The following ZNF710 variants were observed in gnomAD, a reference collection of about 807,000 sequenced individuals.
ZNF710 encodes zinc finger protein 710.
Under a neutral mutation model 50.6 loss-of-function variants are expected in ZNF710, and 13 were observed. The observed-to-expected ratio is 0.26, with a 90% CI of 0.17 to 0.41. The LOEUF (loss-of-function observed/expected upper bound fraction) is 0.41. ZNF710 is among the 10% of genes least tolerant of loss of function. ZNF710 has a pLI of 1.00. For synonymous variants in ZNF710, 383 were observed against 397.0 expected (o/e 0.96, Z 0.42); for missense variants, 721 against 936.6 (o/e 0.77, Z 3.01).
intron 1 of ZNF710, among the ~76,000 whole-genome samples, chr15:90,058,405 G>T (rs1336656710): frequency 1.3e-5 from 2 of 152,200 alleles, no homozygotes; most frequent in African/African-American, 2.4e-5. Context: ...TGTCCTGGGA[G>T]TGAGGTGCTC....
At chr15:90,045,929 C>T (rs920196885) in intron 1 of ZNF710, among the ~76,000 whole-genome samples, 5 of 152,086 alleles carry the variant, frequency 3.3e-5, no homozygotes, top group Admixed American at 2.6e-4. Flanking sequence ...AGGGGCACGT[C>T]GGGCAGCGGG....
intron 2 of ZNF710, among the ~76,000 whole-genome samples, chr15:90,069,228 C>CA (rs1231164801): frequency 0.018 from 1,227 of 69,306 alleles, 11 homozygotes; most frequent in South Asian, 0.069. Context: ...AACTCCATCT[C>CA]AAAAAAAAAA....
At chr15:90,044,837 C>T (rs1899410612) in intron 1 of ZNF710, among the ~76,000 whole-genome samples, 1 of 152,154 alleles carries the variant, frequency 6.6e-6, no homozygotes, top group Non-Finnish European at 1.5e-5. Flanking sequence ...CGCAGCAAGG[C>T]CAGCACTTTC....
intron 1 of ZNF710, among the ~76,000 whole-genome samples, chr15:90,043,306 G>A (rs754268382): frequency 4.6e-5 from 7 of 152,234 alleles, no homozygotes; most frequent in Non-Finnish European, 1.0e-4. Flanking sequence ...CCAGGGGGCC[G>A]AGCTGCCTTT....
intron 4 of ZNF710, 142 bp downstream of exon 4, chr15:90,074,432 C>G (rs1025574629): frequency 3.0e-5 from 46 of 1,541,220 alleles, no homozygotes; most frequent in Non-Finnish European, 3.9e-5. Flanking sequence ...AAGGGGGGTA[C>G]CCTGGAAGGC....
chr15:90,031,597 G>T (rs150494768), intron 1 of ZNF710, among the ~76,000 whole-genome samples: 1 of 152,218 alleles, frequency 6.6e-6, no homozygotes, highest in Non-Finnish European at 1.5e-5. Flanking sequence ...GAGAAACCCG[G>T]TTGGTTTTGT....
chr15:90,017,944 C>T (rs945288025), intron 1 of ZNF710, among the ~76,000 whole-genome samples: 2 of 151,868 alleles, frequency 1.3e-5, no homozygotes, highest in Non-Finnish European at 2.9e-5. Context: ...GAATCTCCTT[C>T]CTTGGGCTCC....
Position 90,034,593 on chromosome 15 carries a change from G to A in ZNF710, c.-28-32517G>A, listed in dbSNP as rs1376796086. Among the ~76,000 whole-genome samples the A allele has an allele frequency of 6.6e-6, 1 of 152,016 alleles. No individual in the cohort carries two copies. ...TGGAGGGCCCTCCCTAGCAGCAGGG[G>A]AAGCCTGGCAGCTTGGCTGAGCCTC... On this transcript the variant is annotated intron_variant, in intron 1 of 4. Transcript: ENST00000268154. This position sits in a 1 kb window ranked among gnomAD's most constrained non-coding sequence, Gnocchi z 4.0.
chr15:90,062,826 A>G lies in ZNF710; in HGVS notation c.-28-4284A>G, dbSNP rs1262324933. ...CCCTCCTCAGCAGAGCCCCTTCTGC[A>G]TACACACACGCGCGCACGCGCACAC... is the stretch of plus-strand genomic sequence containing the variant. On this transcript the variant is annotated intron_variant, in intron 1 of 4. Transcript: ENST00000268154. This position sits in a 1 kb window ranked among gnomAD's most constrained non-coding sequence, Gnocchi z 5.6. Among the ~76,000 whole-genome samples, 2 of 152,136 alleles carry G rather than the reference A, an allele frequency of 1.3e-5. No homozygotes were observed. Among genetic ancestry groups the G allele is most frequent in the South Asian group, 2.1e-4 (1 of 4,836 alleles).
chr15:90,051,401 A>G (rs889667993), intron 1 of ZNF710, among the ~76,000 whole-genome samples: 1 of 152,170 alleles, frequency 6.6e-6, no homozygotes, highest in Admixed American at 6.5e-5. Context: ...TGGGAGGCTG[A>G]GGCGGGCGGA....
chr15:90,008,441 C>CATATATATATATATATATATATAT (rs1011267136), intron 1 of ZNF710, among the ~76,000 whole-genome samples: 6 of 126,478 alleles, frequency 4.7e-5, no homozygotes, highest in African/African-American at 1.9e-4. Context: ...TATATATATA[C>CATATATATATATATATATATATAT]ATATATATAT....
At chr15:90,045,653 T>C (rs1411647474) in intron 1 of ZNF710, among the ~76,000 whole-genome samples, 1 of 152,134 alleles carries the variant, frequency 6.6e-6, no homozygotes, top group Non-Finnish European at 1.5e-5. Context: ...GGCAAAGGGC[T>C]GCCACCTTCC....
At chr15:90,072,229 A>G (rs758497802) in intron 2 of ZNF710, among the ~76,000 whole-genome samples, 1 of 152,220 alleles carries the variant, frequency 6.6e-6, no homozygotes, top group Non-Finnish European at 1.5e-5. Flanking sequence ...AGTCCAAACC[A>G]GTGGGTTTTC....
chr15:90,034,321 C>T lies in ZNF710; in HGVS notation c.-29+32707C>T, dbSNP rs1358753269. 5.3e-5 allele frequency among the ~76,000 whole-genome samples: 8 copies of T among 152,244 alleles called. No homozygotes were observed. The highest frequency in any genetic ancestry group is 5.2e-4 in the Admixed American group (8 of 15,284). ...AGAGGCTCTACACATGGTCTGCACT[C>T]AGGAAAGGGAGGAATTCTTTGTGCT... On this transcript the variant is annotated intron_variant, in intron 1 of 4. Coordinates refer to ENST00000268154, the MANE Select transcript of ZNF710 (RefSeq NM_198526.4). This position sits in a 1 kb window ranked among gnomAD's most constrained non-coding sequence, Gnocchi z 4.0.
intron 1 of ZNF710, chr15:90,025,078 A>G (rs1898736051): frequency 6.6e-6 from 1 of 152,198 alleles, no homozygotes; most frequent in Admixed American, 6.5e-5. Flanking sequence ...CTGTGAGAGA[A>G]AACAGCCATG....
chr15:90,068,291 G>A lies in ZNF710; in HGVS notation c.1154G>A (p.Gly385Asp), dbSNP rs762593271. ...AAGCCCTACAGCTGCCACTTCTGCG[G>A]CCGCGGCTTCGCCTACCCCAGCGAG... ...EVKPYSCHFC[G>D]RGFAYPSELK... is the part of the protein sequence containing the mutation. The change falls in exon 2 of 5, where the codon GGC becomes GAC. Residue 385 changes from glycine to aspartate, a missense_variant. This residue lies in a region of ZNF710 where 326 missense variants were observed against 522.0 expected (regional missense o/e 0.62). Coordinates refer to ENST00000268154, the MANE Select transcript of ZNF710 (RefSeq NM_198526.4). This position sits in a 1 kb window ranked among gnomAD's most constrained non-coding sequence, Gnocchi z 5.0. 1 of 1,612,980 alleles carries A rather than the reference G, an allele frequency of 6.2e-7. No homozygotes were observed.
intron 1 of ZNF710, chr15:90,045,511 A>T: frequency 4.6e-6 from 3 of 653,836 alleles, no homozygotes; most frequent in Non-Finnish European, 3.8e-6. Flanking sequence ...CACTCAGGCC[A>T]AGGCCTGAGC....
intron 1 of ZNF710, among the ~76,000 whole-genome samples, chr15:90,003,452 C>T (rs1898065122): frequency 6.6e-6 from 1 of 152,166 alleles, no homozygotes; most frequent in Non-Finnish European, 1.5e-5. Context: ...CTCAGTCCTG[C>T]ATTTGTACAC....
chr15:90,014,237 G>A (rs1263310401), intron 1 of ZNF710, among the ~76,000 whole-genome samples: 1 of 152,112 alleles, frequency 6.6e-6, no homozygotes, highest in Non-Finnish European at 1.5e-5. Flanking sequence ...GTGGCTGTCA[G>A]TCACAGTACC....
Sources: allele counts gnomAD v4.1 joint callset (sites outside exome capture counted in the v4.1 genomes callset), GRCh38; gene constraint gnomAD v4.1.1; regional missense constraint gnomAD v4.1.1; non-coding constraint Gnocchi (gnomAD v3.1); transcripts MANE v1.5; gene names NCBI Gene and HGNC (gene_info 2026-07-23, HGNC 2026-07-21).